CSGALNACT1: variants seen among roughly 807,000 people sequenced by gnomAD.
CSGALNACT1 encodes chondroitin sulfate N-acetylgalactosaminyltransferase 1.
A neutral mutation model predicts 51.0 loss-of-function variants in CSGALNACT1; 52 were observed. That is an observed-to-expected ratio of 1.02 (90% CI 0.82 to 1.29). The LOEUF is 1.29. Ranked by LOEUF, CSGALNACT1 falls within the 50% of genes most tolerant of loss-of-function variation. CSGALNACT1 has a pLI of 0.00. For missense variants in CSGALNACT1, 935 were observed against 679.2 expected, an observed-to-expected ratio of 1.38 and a Z score of -4.19; for synonymous variants, 341 against 254.4, an observed-to-expected ratio of 1.34 and a Z score of -3.24.
intron 1 of CSGALNACT1, among the ~76,000 whole-genome samples, chr8:19,691,224 G>C (rs1341453730): frequency 6.6e-6 from 1 of 152,206 alleles, no homozygotes; most frequent in African/African-American, 2.4e-5. Flanking sequence ...CCAGGCAGCA[G>C]GTGGTGAGCA....
chr8:19,468,852 G>A (rs1332881302), intron 4 of CSGALNACT1, among the ~76,000 whole-genome samples: 1 of 152,140 alleles, frequency 6.6e-6, no homozygotes, highest in East Asian at 1.9e-4. Context: ...CTGAAGCTGT[G>A]GATGTGGGTC....
chr8:19,420,532 C>A lies in CSGALNACT1; in HGVS notation c.954-14G>T, dbSNP rs368855150. The A allele has an allele frequency of 6.2e-7, 1 of 1,613,044 alleles. No homozygotes were observed. The highest frequency in any genetic ancestry group is 1.7e-5 in the Admixed American group (1 of 60,008). On this transcript the variant is annotated splice_polypyrimidine_tract_variant and intron_variant, in intron 6 of 9. Coordinates refer to ENST00000454498, the Ensembl canonical transcript of CSGALNACT1. Reference sequence around the variant, plus strand: ...AAGTTGGCAGCTCTGAAAGGCAAGACCAGGTACTGTCACTCACATTCCCAC... The same window carrying A: ...AAGTTGGCAGCTCTGAAAGGCAAGAACAGGTACTGTCACTCACATTCCCAC...
At chr8:19,520,270 T>C (rs2975468) in intron 3 of CSGALNACT1, among the ~76,000 whole-genome samples, 41,967 of 152,144 alleles carry the variant, frequency 0.28, 7,230 homozygotes, top group African/African-American at 0.49. Context: ...CTTTGTGCCA[T>C]CTAACTGAAC....
At chr8:19,556,369 C>T (rs1397557043) in intron 3 of CSGALNACT1, among the ~76,000 whole-genome samples, 1 of 142,172 alleles carries the variant, frequency 7.0e-6, no homozygotes, top group African/African-American at 2.8e-5. Context: ...AAGAGTGAAA[C>T]TCCATCTCTC....
chr8:19,544,736 CTG>C, intron 3 of CSGALNACT1, among the ~76,000 whole-genome samples: 1 of 152,278 alleles, frequency 6.6e-6, no homozygotes, highest in South Asian at 2.1e-4. Flanking sequence ...CCTCTAGTAG[CTG>C]TAAGTTTAAA....
intron 4 of CSGALNACT1, among the ~76,000 whole-genome samples, chr8:19,486,673 T>C (rs1370834196): frequency 2.6e-5 from 4 of 152,118 alleles, no homozygotes; most frequent in African/African-American, 7.2e-5. Context: ...GAGACCTACA[T>C]TGACTGTCTT....
chr8:19,436,184 T>C (rs988502120), intron 6 of CSGALNACT1, among the ~76,000 whole-genome samples: 29 of 152,258 alleles, frequency 1.9e-4, no homozygotes, highest in African/African-American at 5.5e-4. Flanking sequence ...TTAAAGTACA[T>C]GCATTTAGCT....
At chr8:19,749,882 G>A (rs914108001) in intron 1 of CSGALNACT1, among the ~76,000 whole-genome samples, 1 of 152,176 alleles carries the variant, frequency 6.6e-6, no homozygotes, top group Non-Finnish European at 1.5e-5. Context: ...GAAAAATCCT[G>A]CAGTGGGAGG....
At chr8:19,730,622 G>A (rs10111307) in intron 1 of CSGALNACT1, among the ~76,000 whole-genome samples, 21,691 of 152,178 alleles carry the variant, frequency 0.14, 1,698 homozygotes, top group Middle Eastern at 0.17. Context: ...GTCGTTGTGT[G>A]CAGAGCTACA....
chr8:19,592,607 AG>A (rs1293462600), intron 2 of CSGALNACT1, among the ~76,000 whole-genome samples: 6 of 152,132 alleles, frequency 3.9e-5, no homozygotes, highest in Non-Finnish European at 7.4e-5. Flanking sequence ...CAAAAAATTT[AG>A]GCAGATGTAG....
At chr8:19,571,307 C>T (rs986403676) in intron 3 of CSGALNACT1, among the ~76,000 whole-genome samples, 5 of 152,032 alleles carry the variant, frequency 3.3e-5, no homozygotes, top group Non-Finnish European at 5.9e-5. Context: ...GACAAACCTG[C>T]TATCCTACAG....
At chr8:19,406,130 TGCAACAAGC>T in intron 9 of CSGALNACT1, 61 bp from the exon 9 acceptor site, 1 of 1,593,914 alleles carries the variant, frequency 6.3e-7, no homozygotes, top group Non-Finnish European at 8.6e-7. Context: ...TTCCCTGAGT[TGCAACAAGC>T]ACAAACTTTT....
At chr8:19,603,517 A>G (rs2050883027), upstream of CSGALNACT1, among the ~76,000 whole-genome samples, 1 of 152,238 alleles carries the variant, frequency 6.6e-6, no homozygotes, top group Non-Finnish European at 1.5e-5. Context: ...TGCAGTTGGC[A>G]GCAACGCAGC....
chr8:19,682,853 A>C, upstream of CSGALNACT1: 1 of 400,096 alleles, frequency 2.5e-6, no homozygotes, highest in Admixed American at 2.7e-5. Flanking sequence ...AGGACACTGC[A>C]GTCAGCAGCC....
At chr8:19,638,288 G>C (rs1302476791) in intron 1 of CSGALNACT1, among the ~76,000 whole-genome samples, 1 of 152,152 alleles carries the variant, frequency 6.6e-6, no homozygotes, top group African/African-American at 2.4e-5. Context: ...AACTGTGTCT[G>C]CTGCTCCAAA....
At chr8:19,623,132 T>C (rs1262508456) in intron 1 of CSGALNACT1, among the ~76,000 whole-genome samples, 1 of 152,126 alleles carries the variant, frequency 6.6e-6, no homozygotes, top group Non-Finnish European at 1.5e-5. Flanking sequence ...AAAAAACATA[T>C]GCAAATACTA....
chr8:19,458,422 C>G lies in CSGALNACT1; in HGVS notation c.851+4G>C. The G allele has an allele frequency of 6.2e-7, 1 of 1,613,344 alleles. No individual in the cohort carries two copies. The highest frequency in any genetic ancestry group is 2.2e-5 in the East Asian group (1 of 44,884). ...GGAAGATAAACACGTGCGAACAAAC[C>G]AACCTGAAATTCTGCATGAACTGCC... On this transcript the variant is annotated splice_donor_region_variant and intron_variant, in intron 5 of 9. Transcript: ENST00000454498.
chr8:19,688,196 C>T (rs540887836), intron 1 of CSGALNACT1, among the ~76,000 whole-genome samples: 1 of 152,138 alleles, frequency 6.6e-6, no homozygotes, highest in Non-Finnish European at 1.5e-5. Flanking sequence ...CCTGTGTCTT[C>T]CCATGGGCTG....
chr8:19,633,063 C>A (rs1564306791), intron 1 of CSGALNACT1, among the ~76,000 whole-genome samples: 1 of 151,934 alleles, frequency 6.6e-6, no homozygotes, highest in Non-Finnish European at 1.5e-5. Context: ...AATGCTGAGC[C>A]ACCGTGCCCA....
Sources: allele counts gnomAD v4.1 joint callset (sites outside exome capture counted in the v4.1 genomes callset), GRCh38; gene constraint gnomAD v4.1.1; transcripts MANE v1.5; gene names NCBI Gene and HGNC (gene_info 2026-07-23, HGNC 2026-07-21).